Variants in SH3BP2 observed in about 807,000 individuals in gnomAD.
SH3BP2 encodes SH3 domain binding protein 2.
A neutral mutation model predicts 56.2 loss-of-function variants in SH3BP2; 38 were observed. That is an observed-to-expected ratio of 0.68 (90% CI 0.52 to 0.89). The LOEUF (loss-of-function observed/expected upper bound fraction) is 0.89, where lower values mean the gene tolerates loss of function less well. SH3BP2 is among the 40% of genes least tolerant of loss of function. SH3BP2 has a pLI of 0.00. For synonymous variants in SH3BP2, 346 were observed against 316.7 expected (o/e 1.09, Z -0.98); for missense variants, 748 against 762.6 (o/e 0.98, Z 0.23).
rs553362769 is a variant in SH3BP2 at position 2,827,043 on chromosome 4, G to A, written c.429-187G>A. The A allele has an allele frequency of 6.2e-5, 43 of 689,050 alleles. 1 individual carries two copies. The highest frequency in any genetic ancestry group is 4.7e-4 in the Middle Eastern group (2 of 4,272). The allele number at this position is 689,050 out of a possible 1,614,324, so 42.7% of individuals were successfully genotyped here. ...TGTGTGCATGTGTGTGTCTGTCAGC[G>A]TATCCGTGTGTGCATGTGTGTGTCT... On this transcript the variant is annotated intron_variant, in intron 5 of 12. Transcript: ENST00000503393.
chr4:2,804,476 G>T (rs1221680276), intron 1 of SH3BP2, among the ~76,000 whole-genome samples: 1 of 152,218 alleles, frequency 6.6e-6, no homozygotes, highest in African/African-American at 2.4e-5. Flanking sequence ...CTTGGGATCA[G>T]TTTAAAACAG....
At chr4:2,827,501 A>T in intron 6 of SH3BP2, 105 bp from the exon 7 acceptor site, 1 of 1,271,874 alleles carries the variant, frequency 7.9e-7, no homozygotes, top group Non-Finnish European at 1.1e-6. Context: ...TCCTCCCAGC[A>T]GGTGCTTGCC....
intron 1 of SH3BP2, among the ~76,000 whole-genome samples, chr4:2,800,012 A>G (rs1222940668): frequency 6.6e-6 from 1 of 152,100 alleles, no homozygotes; most frequent in Non-Finnish European, 1.5e-5. Flanking sequence ...AGTGGCCACA[A>G]GAAGACCATG....
intron 3 of SH3BP2, 79 bp downstream of exon 3, chr4:2,823,116 C>A: frequency 9.8e-7 from 1 of 1,021,430 alleles, no homozygotes; most frequent in South Asian, 1.3e-5. Flanking sequence ...GCTGGGCCTG[C>A]CCCTTATTCC....
Position 2,830,036 on chromosome 4 carries a change from T to TGCGC in SH3BP2, c.1130_1131insGCGC (p.Phe377LeufsTer19), listed in dbSNP as rs1477260673. The TGCGC allele has an allele frequency of 3.7e-6, 6 of 1,612,550 alleles. No individual in the cohort carries two copies. Among genetic ancestry groups the TGCGC allele is most frequent in the Non-Finnish European group, 5.1e-6 (6 of 1,179,900 alleles). ...AGGGAGGCAGCCATGCCCGGACTCTTTGTGCCCCCCGTGGCTCCCCGGCCT... is the reference window on the plus strand; with the variant it reads ...AGGGAGGCAGCCATGCCCGGACTCTTGCGCTGTGCCCCCCGTGGCTCCCCGGCCT... On this transcript the variant is annotated frameshift_variant, in exon 8 of 13. Coordinates refer to ENST00000503393, the MANE Select transcript of SH3BP2 (RefSeq NM_001122681.2). LOFTEE classifies it high-confidence loss of function.
intron 1 of SH3BP2, among the ~76,000 whole-genome samples, chr4:2,808,080 C>T (rs2108708585): frequency 6.9e-6 from 1 of 145,422 alleles, no homozygotes; most frequent in Admixed American, 7.0e-5. Context: ...GAAAGTTCCA[C>T]ACACGAGGGG....
In SH3BP2 at chr4:2,833,508, A is replaced by G. The variant is rs967295792; in HGVS notation, c.1549-189A>G. On this transcript the variant is annotated intron_variant, in intron 12 of 12. Coordinates refer to ENST00000503393, the MANE Select transcript of SH3BP2 (RefSeq NM_001122681.2). ...TCCTGGACATGGAGGACGGAGGGGA[A>G]GTGAGGTGGGAACATGGAGAGCACA... 12 of 683,592 alleles carry G rather than the reference A, an allele frequency of 1.8e-5. No homozygotes were observed. The African/African-American group carries it at 1.9e-4, about 11-fold the overall frequency. 42.3% of individuals were successfully genotyped at this position (683,592 alleles called of 1,614,324 possible).
chr4:2,801,652 C>A (rs1443845377), intron 1 of SH3BP2, among the ~76,000 whole-genome samples: 1 of 152,154 alleles, frequency 6.6e-6, no homozygotes, highest in African/African-American at 2.4e-5. Flanking sequence ...AGGAAGCCAG[C>A]GCAAGGACAA....
At position 2,820,615 on chromosome 4, in the gene SH3BP2, T is replaced by C. The variant is rs1191114772; in HGVS notation, c.-3T>C. On this transcript the variant is annotated splice_region_variant and 5_prime_UTR_variant, in exon 2 of 13. Transcript: ENST00000503393. Reference sequence around the variant, plus strand: ...ACGTGCCTTTGTCCTTTATTGCAGCTTCATGGCGGCTGAAGAGATGCATTG... The same window carrying C: ...ACGTGCCTTTGTCCTTTATTGCAGCCTCATGGCGGCTGAAGAGATGCATTG... The C allele has an allele frequency of 1.9e-6, 3 of 1,614,026 alleles. No homozygotes were observed. The highest frequency in any genetic ancestry group is 2.7e-5 in the African/African-American group (2 of 74,922).
chr4:2,827,440 G>C (rs544807452), intron 6 of SH3BP2, 122 bp downstream of exon 6: 2 of 1,174,676 alleles, frequency 1.7e-6, no homozygotes, highest in Middle Eastern at 1.9e-4. Flanking sequence ...TTGGCAGTGC[G>C]CAGTAGCATC....
intron 1 of SH3BP2, among the ~76,000 whole-genome samples, chr4:2,811,247 C>T (rs1723736974): frequency 6.6e-6 from 1 of 152,184 alleles, no homozygotes; most frequent in African/African-American, 2.4e-5. Context: ...CCTGCACAGC[C>T]GGTTACGGGG....
chr4:2,830,181 C>T (rs746594335), intron 8 of SH3BP2, 34 bp downstream of exon 8: 27 of 1,582,572 alleles, frequency 1.7e-5, no homozygotes, highest in Non-Finnish European at 1.8e-5. Context: ...GCCCTGCCTC[C>T]AGCTACAGGG....
At chr4:2,808,225 C>T (rs1381751640) in intron 1 of SH3BP2, among the ~76,000 whole-genome samples, 4 of 152,190 alleles carry the variant, frequency 2.6e-5, no homozygotes, top group African/African-American at 7.2e-5. Flanking sequence ...TGGTGGCCGG[C>T]GATCCTCGGT....
At position 2,802,657 on chromosome 4, in the gene SH3BP2, A is replaced by G. The variant is rs577910112; in HGVS notation, c.-5+9519A>G. 7.1e-4 allele frequency among the ~76,000 whole-genome samples: 101 copies of G among 141,824 alleles called. 1 individual carries two copies. In the South Asian group the frequency reaches 0.018, roughly 25 times the overall value. 93.0% of individuals were successfully genotyped at this position (141,824 alleles called of 152,430 possible). On this transcript the variant is annotated intron_variant, in intron 1 of 12. Transcript: ENST00000503393. Reference sequence around the variant, plus strand: ...GTGGTGTGTGTATATATATATGTATATGTGTGTGTGTGTGTGTATATATAT... The same window carrying G: ...GTGGTGTGTGTATATATATATGTATGTGTGTGTGTGTGTGTGTATATATAT...
rs1270259241 is a variant in SH3BP2 at position 2,833,779 on chromosome 4, C to G, written c.1631C>G (p.Pro544Arg). 6.3e-7 allele frequency: 1 copy of G among 1,599,016 alleles called. No homozygotes were observed. Among genetic ancestry groups the G allele is most frequent in the African/African-American group, 1.3e-5 (1 of 74,622 alleles). The change falls in exon 13 of 13, where the codon CCC (proline) becomes CGC (arginine). Residue 544 changes from proline (P) to arginine (R), a missense_variant. Coordinates refer to ENST00000503393, the MANE Select transcript of SH3BP2 (RefSeq NM_001122681.2). Reference protein sequence around the residue: ...MVEHYHTHVLPSHQSLLLRHP... With the variant: ...MVEHYHTHVLRSHQSLLLRHP... ...GAGCACTACCACACCCACGTGCTGC[C>G]CAGCCACCAGAGCCTGCTGCTGCGG...
In SH3BP2 at chr4:2,832,412, G is replaced by A. The variant is rs748012203; in HGVS notation, c.1488G>A (p.Lys496=). ...GGAACTCCTCTACCAAGTCGGGGAAGGTAGGCGCCAGGGGAAGATGCCCCA... is the reference window on the plus strand; with the variant it reads ...GGAACTCCTCTACCAAGTCGGGGAAAGTAGGCGCCAGGGGAAGATGCCCCA... The part of the protein sequence containing the change: ...CIRNSSTKSG[K]VLVVWDETSN... The change falls in exon 11 of 13, where the codon AAG becomes AAA. Residue 496 remains lysine (K), a splice_region_variant and synonymous_variant. Transcript: ENST00000503393. 1.2e-5 allele frequency: 19 copies of A among 1,613,628 alleles called. No homozygotes were observed. The highest frequency in any genetic ancestry group is 1.5e-5 in the Non-Finnish European group (18 of 1,179,702).
In SH3BP2 at chr4:2,833,326, CA is replaced by C. The variant is rs143547036; in HGVS notation, c.1548+278del. 6.5e-4 allele frequency: 376 copies of C among 582,920 alleles called. 4 individuals carry two copies. Among genetic ancestry groups the C allele is most frequent in the African/African-American group, 6.3e-3 (339 of 53,668 alleles). 36.1% of individuals were successfully genotyped at this position (582,920 alleles called of 1,614,324 possible). A position where few individuals can be genotyped will look rare whatever the true frequency, so the allele number is the denominator to read the frequency against. On this transcript the variant is annotated intron_variant, in intron 12 of 12. Coordinates refer to ENST00000503393, the MANE Select transcript of SH3BP2 (RefSeq NM_001122681.2). ...TCTTGTCTTTTTCTTTTTGCGGGGA[CA>C]GGGGTCTCACTGTCTTTCTCAGGCT...
intron 1 of SH3BP2, among the ~76,000 whole-genome samples, chr4:2,803,353 C>T (rs1289826564): frequency 2.0e-5 from 3 of 152,162 alleles, no homozygotes; most frequent in Admixed American, 6.5e-5. Context: ...CTTGTTATCT[C>T]GCCCTGGTGC....
intron 7 of SH3BP2, 125 bp downstream of exon 7, chr4:2,827,799 C>T (rs1724757228): frequency 1.3e-6 from 1 of 749,976 alleles, no homozygotes; most frequent in East Asian, 2.7e-5. Flanking sequence ...CTTCCGCTTC[C>T]CTGCTGTGTC....
Sources: allele counts gnomAD v4.1 joint callset (sites outside exome capture counted in the v4.1 genomes callset), GRCh38; gene constraint gnomAD v4.1.1; transcripts MANE v1.5; gene names NCBI Gene and HGNC (gene_info 2026-07-23, HGNC 2026-07-21).